Variants in P2RY14 observed in about 807,000 individuals in gnomAD.
P2RY14 encodes the protein P2Y purinoceptor 14.
Under a neutral mutation model 0.9 loss-of-function variants are expected in P2RY14, and 2 were observed. The ratio of observed to expected loss-of-function variants is 2.16; its 90% CI spans 0.88 to 6.79. The LOEUF (loss-of-function observed/expected upper bound fraction) is 6.79. P2RY14 is among the 30% of genes most tolerant of loss of function. The pLI is 0.05. For missense variants in P2RY14, 378 were observed against 400.1 expected, an observed-to-expected ratio of 0.94 and a Z score of 0.47; for synonymous variants, 158 against 147.2, an observed-to-expected ratio of 1.07 and a Z score of -0.53.
At position 151,218,866 on chromosome 3, in the gene P2RY14, CAAAAAAAAAAAAAAAA is replaced by C. The variant is rs397686351; in HGVS notation, c.-25+653_-25+668del. Among the ~76,000 whole-genome samples, 113 of 71,370 alleles carry C rather than the reference CAAAAAAAAAAAAAAAA, an allele frequency of 1.6e-3. 1 individual carries two copies. The highest frequency in any genetic ancestry group is 4.4e-3 in the African/African-American group (98 of 22,482). 46.8% of individuals were successfully genotyped at this position (71,370 alleles called of 152,430 possible). A position where few individuals can be genotyped will look rare whatever the true frequency, so the allele number is the denominator to read the frequency against. On this transcript the variant is annotated intron_variant, in intron 2 of 2. Transcript: ENST00000309170. ...TGGGTGACAGAGCAAGACTCAGTCT[CAAAAAAAAAAAAAAAA>C]AAAAAAAAAAAAAAAGAGGGGGGGT...
intron 1 of P2RY14, among the ~76,000 whole-genome samples, chr3:151,222,168 C>G (rs1382125002): frequency 6.6e-6 from 1 of 152,166 alleles, no homozygotes; most frequent in Non-Finnish European, 1.5e-5. Context: ...TTACCCAATG[C>G]CTGTACTGCA....
intron 1 of P2RY14, among the ~76,000 whole-genome samples, chr3:151,238,605 G>A (rs1733412006): frequency 6.6e-6 from 1 of 152,188 alleles, no homozygotes; most frequent in African/African-American, 2.4e-5. Context: ...GCCATGATGT[G>A]TAAAATGTTC....
In P2RY14 at chr3:151,258,381, C is replaced by A. The variant is rs138720696; in HGVS notation, c.-133+19906G>T. 9.3e-3 allele frequency among the ~76,000 whole-genome samples: 1,417 copies of A among 152,106 alleles called. 21 individuals are homozygous for A. Among genetic ancestry groups the A allele is most frequent in the African/African-American group, 0.032 (1,318 of 41,488 alleles). The stretch of plus-strand genomic sequence containing the variant: ...TCTAATGTGGTCATTGTGTATAAAC[C>A]AGGTGAAGAAAATTTTCTGTTATTT... On this transcript the variant is annotated intron_variant, in intron 1 of 2. Transcript: ENST00000309170.
chr3:151,217,420 C>T (rs1195360486), intron 2 of P2RY14, among the ~76,000 whole-genome samples: 1 of 152,176 alleles, frequency 6.6e-6, no homozygotes, highest in East Asian at 1.9e-4. Flanking sequence ...TGATATACAC[C>T]ATTCCCCTTC....
At chr3:151,223,635 T>C (rs1293520743) in intron 1 of P2RY14, among the ~76,000 whole-genome samples, 1 of 152,106 alleles carries the variant, frequency 6.6e-6, no homozygotes, top group Non-Finnish European at 1.5e-5. Flanking sequence ...GAACTAAACA[T>C]TGGATACACA....
chr3:151,231,481 T>C (rs748784581), intron 1 of P2RY14, among the ~76,000 whole-genome samples: 1 of 152,210 alleles, frequency 6.6e-6, no homozygotes, highest in Non-Finnish European at 1.5e-5. Flanking sequence ...TTTAGTTAGA[T>C]GTACACAACA....
Position 151,266,147 on chromosome 3 carries a change from C to T in P2RY14, c.-133+12140G>A, listed in dbSNP as rs373901566. ...TTTTGTTTGCAGCACAACGTTGTTA[C>T]GGCAACTTTATGCTAATGATGCTGC... On this transcript the variant is annotated intron_variant, in intron 1 of 2. Coordinates refer to ENST00000309170, the MANE Select transcript of P2RY14 (RefSeq NM_014879.4). Among the ~76,000 whole-genome samples the T allele has an allele frequency of 3.2e-4, 48 of 152,268 alleles. 1 individual carries two copies. Among genetic ancestry groups the T allele is most frequent in the East Asian group, 2.5e-3 (13 of 5,184 alleles).
intron 1 of P2RY14, among the ~76,000 whole-genome samples, chr3:151,237,045 CTTTTTTTT>C (rs56926535): frequency 3.2e-5 from 4 of 125,890 alleles, no homozygotes; most frequent in East Asian, 2.3e-4. Flanking sequence ...TGATGCCAAA[CTTTTTTTT>C]TTTTTTTTTT....
rs141766936 is a variant in P2RY14, at chr3:151,255,664, G to A, written c.-133+22623C>T. 5.1e-3 allele frequency among the ~76,000 whole-genome samples: 782 copies of A among 152,268 alleles called. 12 individuals are homozygous for A. Among genetic ancestry groups the A allele is most frequent in the African/African-American group, 0.018 (729 of 41,554 alleles). ...GAGATGAAACCTTTGGCCATCTTAA[G>A]CTAGTGTTTTATCCAGGACAAATGA... On this transcript the variant is annotated intron_variant, in intron 1 of 2. Transcript: ENST00000309170.
chr3:151,236,429 A>G (rs925380570), intron 1 of P2RY14, among the ~76,000 whole-genome samples: 1 of 152,212 alleles, frequency 6.6e-6, no homozygotes, highest in Non-Finnish European at 1.5e-5. Flanking sequence ...CATTCAAGCA[A>G]GGATGACTTT....
At chr3:151,237,456 T>C (rs1309794540) in intron 1 of P2RY14, among the ~76,000 whole-genome samples, 1 of 142,252 alleles carries the variant, frequency 7.0e-6, no homozygotes, top group Non-Finnish European at 1.5e-5. Flanking sequence ...TTCAAGCGAT[T>C]CTCCTGCCTC....
chr3:151,271,264 G>A (rs1288907814), intron 1 of P2RY14, among the ~76,000 whole-genome samples: 2 of 152,136 alleles, frequency 1.3e-5, no homozygotes, highest in South Asian at 4.1e-4. Flanking sequence ...CACATGAAAA[G>A]ATTCTCAGCC....
At chr3:151,262,609 A>G (rs1398847308) in intron 1 of P2RY14, among the ~76,000 whole-genome samples, 1 of 152,244 alleles carries the variant, frequency 6.6e-6, no homozygotes, top group African/African-American at 2.4e-5. Context: ...TTACTAAGGG[A>G]TGCATGGGCA....
chr3:151,227,829 T>A (rs1730838123), intron 1 of P2RY14, among the ~76,000 whole-genome samples: 1 of 152,220 alleles, frequency 6.6e-6, no homozygotes, highest in South Asian at 2.1e-4. Flanking sequence ...TTAACTGTTT[T>A]TTTCGGTTTC....
rs952601368 is a variant in P2RY14, at chr3:151,278,491, CAA to C, written c.-339_-338del. ...TTTATTGAAGACTGGGACGTGGAAACAAAGAGGAAGGAAGAGACGTTTTAATC... is the reference window on the plus strand; with the variant it reads ...TTTATTGAAGACTGGGACGTGGAAACAGAGGAAGGAAGAGACGTTTTAATC... On this transcript the variant is annotated 5_prime_UTR_variant, in exon 1 of 3. Transcript: ENST00000309170. 4 of 150,638 alleles carry C rather than the reference CAA, an allele frequency of 2.7e-5. No homozygotes were observed. Among genetic ancestry groups the C allele is most frequent in the African/African-American group, 7.3e-5 (3 of 41,284 alleles). 9.3% of individuals were successfully genotyped at this position (150,638 alleles called of 1,614,324 possible). A position where few individuals can be genotyped will look rare whatever the true frequency, so the allele number is the denominator to read the frequency against.
rs1559883899 is a variant in P2RY14 at position 151,213,074 on chromosome 3, A to G, written c.*226T>C. 1 of 309,034 alleles carries G rather than the reference A, an allele frequency of 3.2e-6. No individual in the cohort carries two copies. Among genetic ancestry groups the G allele is most frequent in the Non-Finnish European group, 5.8e-6 (1 of 171,784 alleles). 19.1% of individuals were successfully genotyped at this position (309,034 alleles called of 1,614,324 possible). On this transcript the variant is annotated 3_prime_UTR_variant, in exon 3 of 3. Coordinates refer to ENST00000309170, the MANE Select transcript of P2RY14 (RefSeq NM_014879.4). The stretch of plus-strand genomic sequence containing the variant: ...GAATAATTGTATGTATTAATTTTTT[A>G]TTAATAGAGAATAGAAAGGTCAGTA...
intron 1 of P2RY14, among the ~76,000 whole-genome samples, chr3:151,252,363 C>G: frequency 6.6e-6 from 1 of 152,052 alleles, no homozygotes; most frequent in South Asian, 2.1e-4. Context: ...TCATGGTCAT[C>G]GCTAAGATCT....
At position 151,213,864 on chromosome 3, in the gene P2RY14, G is replaced by A. The variant is rs1431763793; in HGVS notation, c.453C>T (p.Leu151=). Residue 151 remains leucine (L), a synonymous_variant, in exon 3 of 3, where the codon CTC becomes CTT. Coordinates refer to ENST00000309170, the MANE Select transcript of P2RY14 (RefSeq NM_014879.4). ...LSVIVWMLML[L]LAVPNIILTN... Reference sequence around the variant, plus strand: ...TGAGAATAATATTTGGAACAGCAAGGAGGAGCATGAGCATCCATACTATCA... The same window carrying A: ...TGAGAATAATATTTGGAACAGCAAGAAGGAGCATGAGCATCCATACTATCA... 1 of 1,613,728 alleles carries A rather than the reference G, an allele frequency of 6.2e-7. No homozygotes were observed. The highest frequency in any genetic ancestry group is 1.3e-5 in the African/African-American group (1 of 74,908).
At chr3:151,250,724 A>G (rs1387072790) in intron 1 of P2RY14, among the ~76,000 whole-genome samples, 2 of 152,174 alleles carry the variant, frequency 1.3e-5, no homozygotes, top group Non-Finnish European at 2.9e-5. Context: ...TGCTGCTATG[A>G]AAGTGGGTAT....
Sources: allele counts gnomAD v4.1 joint callset (sites outside exome capture counted in the v4.1 genomes callset), GRCh38; gene constraint gnomAD v4.1.1; transcripts MANE v1.5; gene names NCBI Gene and HGNC (gene_info 2026-07-23, HGNC 2026-07-21).